NEGR1: variants seen among roughly 807,000 people sequenced by gnomAD.
NEGR1 encodes IgLON family member 4.
NEGR1 carries 10 observed loss-of-function variants against 40.9 expected under a neutral mutation model. That is an observed-to-expected ratio of 0.24 (90% CI 0.15 to 0.42). The LOEUF (loss-of-function observed/expected upper bound fraction) is 0.42, where lower values mean the gene tolerates loss of function less well. NEGR1 is among the 10% of genes least tolerant of loss of function. The pLI is 1.00. For synonymous variants in NEGR1, 185 were observed against 166.8 expected (o/e 1.11, Z -0.84); for missense variants, 352 against 438.9 (o/e 0.80, Z 1.77).
At chr1:71,806,146 A>G (rs1387190479) in intron 2 of NEGR1, among the ~76,000 whole-genome samples, 1 of 152,124 alleles carries the variant, frequency 6.6e-6, no homozygotes, top group Non-Finnish European at 1.5e-5. Context: ...TTTCCATTGG[A>G]CAGGTTAGTT....
At position 72,142,564 on chromosome 1, in the gene NEGR1, TAGAC is replaced by T. The variant is rs1210472175; in HGVS notation, c.176+139751_176+139754del. ...ATAGATAGATAGATAGATAGATAGA[TAGAC>T]AGATAGTGATAGAACATAATATCAC... On this transcript the variant is annotated intron_variant, in intron 1 of 6. Coordinates refer to ENST00000357731, the MANE Select transcript of NEGR1 (RefSeq NM_173808.3). 1.1e-4 allele frequency among the ~76,000 whole-genome samples: 17 copies of T among 150,524 alleles called. No homozygotes were observed. The South Asian group carries it at 1.3e-3, about 11-fold the overall frequency.
chr1:71,980,570 A>C (rs1163723243), intron 1 of NEGR1, among the ~76,000 whole-genome samples: 1 of 152,136 alleles, frequency 6.6e-6, no homozygotes, highest in Non-Finnish European at 1.5e-5. Flanking sequence ...GTTGAGATAT[A>C]AATATGCATC....
chr1:71,593,072 C>A, intron 5 of NEGR1, 104 bp from the exon 6 acceptor site: 1 of 677,658 alleles, frequency 1.5e-6, no homozygotes, highest in Non-Finnish European at 2.6e-6. Flanking sequence ...AATTCAACTA[C>A]GCTGACGTTA....
chr1:71,688,384 G>GATAAAAAAGATATATATGAT (rs1553158640), intron 4 of NEGR1, among the ~76,000 whole-genome samples: 3 of 31,722 alleles, frequency 9.5e-5, no homozygotes, highest in Non-Finnish European at 1.8e-4. Context: ...ATACATAAAA[G>GATAAAAAAGATATATATGAT]ATATATAAAA....
At chr1:71,918,008 G>A (rs1195044603) in intron 2 of NEGR1, among the ~76,000 whole-genome samples, 1 of 149,854 alleles carries the variant, frequency 6.7e-6, no homozygotes, top group Non-Finnish European at 1.5e-5. Context: ...ACAAGGTCAG[G>A]AGATCGAGAC....
intron 6 of NEGR1, among the ~76,000 whole-genome samples, chr1:71,490,257 A>G (rs996586400): frequency 1.6e-4 from 24 of 152,070 alleles, no homozygotes; most frequent in African/African-American, 5.8e-4. Context: ...ATTTGTTTCA[A>G]TTTTGAAATA....
intron 1 of NEGR1, among the ~76,000 whole-genome samples, chr1:72,022,027 T>C (rs1448297540): frequency 2.6e-5 from 4 of 151,496 alleles, no homozygotes; most frequent in Non-Finnish European, 4.4e-5. Context: ...CCCAGCTACT[T>C]GGGAGGCTGA....
At chr1:72,185,823 G>T (rs1050592881) in intron 1 of NEGR1, among the ~76,000 whole-genome samples, 7 of 151,738 alleles carry the variant, frequency 4.6e-5, no homozygotes, top group Admixed American at 1.3e-4. Context: ...ATGTTAAGTT[G>T]TCCCGCACCC....
At chr1:71,469,341 C>G (rs1313709659) in intron 6 of NEGR1, among the ~76,000 whole-genome samples, 1 of 151,864 alleles carries the variant, frequency 6.6e-6, no homozygotes, top group Admixed American at 6.6e-5. Flanking sequence ...TAAAATAGAG[C>G]GCACCACTTT....
At chr1:71,502,596 G>C (rs984880965) in intron 6 of NEGR1, among the ~76,000 whole-genome samples, 1 of 152,122 alleles carries the variant, frequency 6.6e-6, no homozygotes, top group African/African-American at 2.4e-5. Flanking sequence ...GGGGAGATGC[G>C]TCCCACCTGA....
At chr1:71,573,569 T>C (rs1648872125) in intron 6 of NEGR1, 1 of 152,224 alleles carries the variant, frequency 6.6e-6, no homozygotes, top group African/African-American at 2.4e-5. Context: ...ACTTCTGACT[T>C]TGATGTGGCT....
chr1:71,585,403 C>T (rs1649269977), intron 6 of NEGR1, among the ~76,000 whole-genome samples: 1 of 152,074 alleles, frequency 6.6e-6, no homozygotes, highest in Admixed American at 6.6e-5. Flanking sequence ...GCCAGTTTGA[C>T]TCCAAGGGTA....
At chr1:71,525,102 G>A (rs1327074793) in intron 6 of NEGR1, among the ~76,000 whole-genome samples, 1 of 151,692 alleles carries the variant, frequency 6.6e-6, no homozygotes, top group Non-Finnish European at 1.5e-5. Context: ...GCAACAAAAG[G>A]AAATTAATAC....
intron 1 of NEGR1, among the ~76,000 whole-genome samples, chr1:71,954,604 G>T (rs1570549250): frequency 6.6e-6 from 1 of 151,918 alleles, no homozygotes; most frequent in East Asian, 1.9e-4. Context: ...AAAGAGTTCA[G>T]GATAATTCAA....
At chr1:72,001,233 A>G (rs1646555328) in intron 1 of NEGR1, among the ~76,000 whole-genome samples, 1 of 152,026 alleles carries the variant, frequency 6.6e-6, no homozygotes, top group Non-Finnish European at 1.5e-5. Flanking sequence ...TCTGCAGCAG[A>G]GAGCTTTCTC....
intron 2 of NEGR1, among the ~76,000 whole-genome samples, chr1:71,828,250 A>C (rs1436092928): frequency 2.0e-5 from 3 of 151,918 alleles, no homozygotes; most frequent in Non-Finnish European, 4.4e-5. Context: ...TTTATGTCCA[A>C]AGTGTTTAGT....
At chr1:71,752,090 A>G (rs1655588855) in intron 3 of NEGR1, among the ~76,000 whole-genome samples, 1 of 152,204 alleles carries the variant, frequency 6.6e-6, no homozygotes, top group African/African-American at 2.4e-5. Context: ...AGTAACCACG[A>G]AATAAAGTAT....
intron 3 of NEGR1, among the ~76,000 whole-genome samples, chr1:71,748,257 TAAGTA>T: frequency 6.6e-6 from 1 of 152,222 alleles, no homozygotes; most frequent in East Asian, 1.9e-4. Context: ...ATTAGCTTCC[TAAGTA>T]AAGTCCTCTA....
intron 4 of NEGR1, among the ~76,000 whole-genome samples, chr1:71,695,499 T>A (rs916220548): frequency 6.6e-6 from 1 of 151,814 alleles, no homozygotes; most frequent in Non-Finnish European, 1.5e-5. Context: ...AGCACTTCCC[T>A]ACTGTTTTAA....
Sources: gnomAD v4.1 joint callset for allele counts (sites outside exome capture counted in the v4.1 genomes callset) on GRCh38, gnomAD v4.1.1 for gene constraint, MANE v1.5 for transcripts, NCBI Gene and HGNC (gene_info 2026-07-23, HGNC 2026-07-21) for gene names.